The following FA2H variants were observed in gnomAD, a reference collection of about 807,000 sequenced individuals.
FA2H encodes the protein fatty acid 2-hydroxylase, also known as fatty acid alpha-hydroxylase.
In FA2H, 22 loss-of-function variants were observed where a neutral mutation model predicts 44.9. The ratio of observed to expected loss-of-function variants is 0.49; its 90% CI spans 0.35 to 0.70. The LOEUF (loss-of-function observed/expected upper bound fraction) is 0.70, where lower values mean the gene tolerates loss of function less well. Ranked by LOEUF, FA2H falls within the 30% of genes least tolerant of loss-of-function variation. FA2H has a pLI of 0.01. For synonymous variants in FA2H, 243 were observed against 213.2 expected, an observed-to-expected ratio of 1.14 and a Z score of -1.22; for missense variants, 501 against 504.9, an observed-to-expected ratio of 0.99 and a Z score of 0.07.
At chr16:74,772,608 G>A (rs1329619966) in intron 1 of FA2H, among the ~76,000 whole-genome samples, 1 of 152,188 alleles carries the variant, frequency 6.6e-6, no homozygotes, top group Non-Finnish European at 1.5e-5. Flanking sequence ...TGGGTGCTAA[G>A]TCCTTTCAAC....
At chr16:74,771,849 C>T (rs1416021742) in intron 1 of FA2H, among the ~76,000 whole-genome samples, 1 of 152,106 alleles carries the variant, frequency 6.6e-6, no homozygotes, top group African/African-American at 2.4e-5. Context: ...TCTCCTCACA[C>T]CCACTTAGGC....
At chr16:74,729,258 C>T (rs1196171274) in intron 2 of FA2H, among the ~76,000 whole-genome samples, 1 of 152,174 alleles carries the variant, frequency 6.6e-6, no homozygotes, top group African/African-American at 2.4e-5. Flanking sequence ...ATCTGCCCGC[C>T]TCGGCCTCCC....
Position 74,774,722 on chromosome 16 carries a change from A to T in FA2H, c.34T>A (p.Ser12Thr), listed in dbSNP as rs993939257. 4 of 1,335,542 alleles carry T rather than the reference A, an allele frequency of 3.0e-6. No homozygotes were observed. The African/African-American group carries it at 6.2e-5, about 21-fold the overall frequency. The allele number at this position is 1,335,542 out of a possible 1,614,324, so 82.7% of individuals were successfully genotyped here. ...AGGCGCCGCTGGACCTCGGAGGGCGAGAAGGAGGCGGCGGGGGGCGGAGCG... is the reference window on the plus strand; with the variant it reads ...AGGCGCCGCTGGACCTCGGAGGGCGTGAAGGAGGCGGCGGGGGGCGGAGCG... ...APAPPPAASF[S>T]PSEVQRRLAA... The change falls in exon 1 of 7, where the codon TCG becomes ACG. Residue 12 changes from serine (S) to threonine (T), a missense_variant. Physicochemically the swap from Ser to Thr is moderately conservative, Grantham distance 58. Coordinates refer to ENST00000219368, the MANE Select transcript of FA2H (RefSeq NM_024306.5).
intron 1 of FA2H, among the ~76,000 whole-genome samples, chr16:74,752,497 T>G (rs1962544520): frequency 6.6e-6 from 1 of 152,314 alleles, no homozygotes; most frequent in South Asian, 2.1e-4. Flanking sequence ...TTGCACCTGC[T>G]GTTCCCTCTG....
chr16:74,770,122 A>T (rs1204410368), intron 1 of FA2H, among the ~76,000 whole-genome samples: 1 of 152,148 alleles, frequency 6.6e-6, no homozygotes. Flanking sequence ...ACGAGCCCCA[A>T]ACAACAGAGC....
chr16:74,741,145 C>A (rs1243645671), intron 1 of FA2H: 1 of 152,256 alleles, frequency 6.6e-6, no homozygotes, highest in Non-Finnish European at 1.5e-5. Context: ...AGCAGGCTGG[C>A]ACGTAAGTGA....
At chr16:74,743,248 T>C (rs1206314814) in intron 1 of FA2H, among the ~76,000 whole-genome samples, 2 of 152,264 alleles carry the variant, frequency 1.3e-5, no homozygotes, top group Non-Finnish European at 2.9e-5. Flanking sequence ...CTCAAGCTGG[T>C]TGATGTGGGG....
chr16:74,727,136 A>G lies in FA2H; in HGVS notation c.506+108T>C, dbSNP rs559407514. Reference sequence around the variant, plus strand: ...CCTCCCTCCCTGACAGCTTTACAGCATAGACCTGGGCTCTGGGGAGGGACT... The same window carrying G: ...CCTCCCTCCCTGACAGCTTTACAGCGTAGACCTGGGCTCTGGGGAGGGACT... On this transcript the variant is annotated intron_variant, in intron 3 of 6. Transcript: ENST00000219368. The G allele has an allele frequency of 2.3e-4, 332 of 1,441,504 alleles. No homozygotes were observed. In the Middle Eastern group the frequency reaches 3.3e-3, roughly 14 times the overall value. 89.3% of individuals were successfully genotyped at this position (1,441,504 alleles called of 1,614,324 possible).
Position 74,713,786 on chromosome 16 carries a change from A to T in FA2H, c.*404T>A, listed in dbSNP as rs73614641. Reference sequence around the variant, plus strand: ...CCACAGACCCACTTCTGACTGTGAAAGCGAGCTGTGCCGTGCAGGCAGCTC... The same window carrying T: ...CCACAGACCCACTTCTGACTGTGAATGCGAGCTGTGCCGTGCAGGCAGCTC... On this transcript the variant is annotated 3_prime_UTR_variant, in exon 7 of 7. Coordinates refer to ENST00000219368, the MANE Select transcript of FA2H (RefSeq NM_024306.5). 13,240 of 198,208 alleles carry T rather than the reference A, an allele frequency of 0.067. 1,210 individuals carry two copies. Among genetic ancestry groups the T allele is most frequent in the African/African-American group, 0.23 (9,820 of 43,582 alleles). The allele number at this position is 198,208 out of a possible 1,614,324, so 12.3% of individuals were successfully genotyped here. A position where few individuals can be genotyped will look rare whatever the true frequency, so the allele number is the denominator to read the frequency against.
At chr16:74,732,886 A>C (rs1962101832) in intron 2 of FA2H, among the ~76,000 whole-genome samples, 1 of 152,262 alleles carries the variant, frequency 6.6e-6, no homozygotes, top group African/African-American at 2.4e-5. Context: ...AACCGGAGCT[A>C]GACCGTGGAA....
At chr16:74,737,901 G>A (rs913868528) in intron 2 of FA2H, among the ~76,000 whole-genome samples, 41 of 152,182 alleles carry the variant, frequency 2.7e-4, no homozygotes, top group Non-Finnish European at 4.1e-4. Context: ...TTGGAGCACC[G>A]CGGGCTCCCC....
intron 1 of FA2H, among the ~76,000 whole-genome samples, chr16:74,772,540 C>G (rs534769603): frequency 6.6e-6 from 1 of 152,222 alleles, no homozygotes; most frequent in Non-Finnish European, 1.5e-5. Context: ...AGTTCCATGA[C>G]TGAATAAATG....
At chr16:74,739,832 G>T (rs1962256385) in intron 2 of FA2H, among the ~76,000 whole-genome samples, 191 bp downstream of exon 2, 1 of 152,136 alleles carries the variant, frequency 6.6e-6, no homozygotes, top group Non-Finnish European at 1.5e-5. Context: ...CCACCAGTGA[G>T]GCACCCCCAC....
At chr16:74,723,109 C>T (rs1961874857) in intron 4 of FA2H, among the ~76,000 whole-genome samples, 1 of 152,202 alleles carries the variant, frequency 6.6e-6, no homozygotes, top group Non-Finnish European at 1.5e-5. Flanking sequence ...TTATGAATAT[C>T]CGAGGGTACT....
At chr16:74,758,945 TA>T (rs1231639159) in intron 1 of FA2H, among the ~76,000 whole-genome samples, 1 of 152,186 alleles carries the variant, frequency 6.6e-6, no homozygotes, top group Non-Finnish European at 1.5e-5. Context: ...CAAAGCCAGG[TA>T]GCTGCCTACA....
chr16:74,743,494 G>T (rs1440182274), intron 1 of FA2H, among the ~76,000 whole-genome samples: 1 of 152,198 alleles, frequency 6.6e-6, no homozygotes, highest in African/African-American at 2.4e-5. Context: ...AGGGCAGTGG[G>T]TCATGCCTCG....
chr16:74,767,893 G>C (rs1159156896), intron 1 of FA2H, among the ~76,000 whole-genome samples: 2 of 152,210 alleles, frequency 1.3e-5, no homozygotes, highest in East Asian at 3.8e-4. Context: ...TACTGGAGGG[G>C]AGGAAGGGTG....
chr16:74,764,562 C>T (rs1187200440), intron 1 of FA2H, among the ~76,000 whole-genome samples: 3 of 152,024 alleles, frequency 2.0e-5, no homozygotes, highest in Admixed American at 2.0e-4. Flanking sequence ...TACCTGAGGC[C>T]TCCACCCGAG....
At chr16:74,718,940 T>G (rs770751836) in intron 5 of FA2H, 48 bp downstream of exon 5, 2 of 1,605,838 alleles carry the variant, frequency 1.2e-6, no homozygotes, top group African/African-American at 1.3e-5. Context: ...TGCCGGGCCC[T>G]CTCGGGCTGC....
Sources: gnomAD v4.1 joint callset for allele counts (sites outside exome capture counted in the v4.1 genomes callset) on GRCh38, gnomAD v4.1.1 for gene constraint, MANE v1.5 for transcripts, NCBI Gene and HGNC (gene_info 2026-07-23, HGNC 2026-07-21) for gene names.